ELOVL6: variants seen among roughly 807,000 people sequenced by gnomAD.
ELOVL6 encodes ELOVL fatty acid elongase 6, also known as very long chain fatty acid elongase 6.
ELOVL6 carries 8 observed loss-of-function variants against 31.7 expected under a neutral mutation model. The ratio of observed to expected loss-of-function variants is 0.25; its 90% CI spans 0.15 to 0.45. ELOVL6 has a LOEUF of 0.45. Ranked by LOEUF, ELOVL6 falls within the 20% of genes least tolerant of loss-of-function variation. The probability of loss-of-function intolerance (pLI) is 1.00; values close to 1 mark genes in which losing one functional copy is unlikely to be tolerated. For synonymous variants in ELOVL6, 101 were observed against 117.7 expected (o/e 0.86, Z 0.92); for missense variants, 126 against 326.4 (o/e 0.39, Z 4.73).
intron 2 of ELOVL6, among the ~76,000 whole-genome samples, chr4:110,060,486 G>A (rs1335671456): frequency 6.6e-6 from 1 of 152,152 alleles, no homozygotes; most frequent in Non-Finnish European, 1.5e-5. Flanking sequence ...AGGCACAGGT[G>A]CTCAATAAAG....
chr4:110,078,557 T>C (rs1268910151), intron 2 of ELOVL6, among the ~76,000 whole-genome samples: 7 of 152,016 alleles, frequency 4.6e-5, no homozygotes, highest in South Asian at 2.1e-4. Context: ...TTTGTCACCA[T>C]CAGGCCTGCC....
chr4:110,132,784 G>GA (rs1379571384), intron 1 of ELOVL6, among the ~76,000 whole-genome samples: 2 of 151,982 alleles, frequency 1.3e-5, no homozygotes, highest in Non-Finnish European at 2.9e-5. Flanking sequence ...AGGTTGCAGT[G>GA]AGCTGAGATC....
chr4:110,159,625 G>A (rs956800005), intron 1 of ELOVL6, among the ~76,000 whole-genome samples: 2 of 151,832 alleles, frequency 1.3e-5, no homozygotes, highest in South Asian at 2.1e-4. Flanking sequence ...AAAAACTATC[G>A]TGCATCTTGG....
chr4:110,144,264 C>T (rs945934192), intron 1 of ELOVL6, among the ~76,000 whole-genome samples: 1 of 152,086 alleles, frequency 6.6e-6, no homozygotes, highest in African/African-American at 2.4e-5. Context: ...ATTTGGATTC[C>T]ATTCCAATCA....
intron 2 of ELOVL6, among the ~76,000 whole-genome samples, chr4:110,073,621 TTC>T (rs1414568517): frequency 6.6e-6 from 1 of 152,120 alleles, no homozygotes; most frequent in Non-Finnish European, 1.5e-5. Context: ...GTCTCTACAT[TTC>T]CTCCAAGGAG....
At chr4:110,146,445 A>G (rs1420866604) in intron 1 of ELOVL6, 1 of 152,516 alleles carries the variant, frequency 6.6e-6, no homozygotes, top group African/African-American at 2.4e-5. Context: ...CTTTGTGTTC[A>G]CTTTCATAAA....
intron 1 of ELOVL6, among the ~76,000 whole-genome samples, chr4:110,136,859 T>C (rs1757827829): frequency 6.6e-6 from 1 of 151,946 alleles, no homozygotes; most frequent in African/African-American, 2.4e-5. Flanking sequence ...AAGGTGGAAG[T>C]GGAGAAATAG....
At chr4:110,151,558 T>G (rs977695062) in intron 1 of ELOVL6, among the ~76,000 whole-genome samples, 1 of 152,156 alleles carries the variant, frequency 6.6e-6, no homozygotes, top group Non-Finnish European at 1.5e-5. Context: ...GTATTTGGGT[T>G]TGACCTATGG....
At chr4:110,061,798 C>T (rs1015032261) in intron 2 of ELOVL6, among the ~76,000 whole-genome samples, 2 of 152,008 alleles carry the variant, frequency 1.3e-5, no homozygotes, top group Non-Finnish European at 2.9e-5. Flanking sequence ...CCTCGTGATC[C>T]ACCTGCCTCG....
intron 1 of ELOVL6, among the ~76,000 whole-genome samples, chr4:110,124,582 C>G (rs1189033855): frequency 6.6e-6 from 1 of 152,042 alleles, no homozygotes; most frequent in Non-Finnish European, 1.5e-5. Context: ...GGGAGACCAT[C>G]AGGACAAATA....
At chr4:110,162,228 G>A (rs1344973705) in intron 1 of ELOVL6, among the ~76,000 whole-genome samples, 2 of 152,152 alleles carry the variant, frequency 1.3e-5, no homozygotes, top group African/African-American at 4.8e-5. Context: ...TAATTATAAA[G>A]GTAACAGACA....
chr4:110,091,928 C>G (rs978285095), intron 2 of ELOVL6, among the ~76,000 whole-genome samples: 12 of 152,132 alleles, frequency 7.9e-5, no homozygotes, highest in Admixed American at 2.6e-4. Context: ...TCCCAGGGCT[C>G]TGGAAACTGT....
chr4:110,172,065 C>G (rs1758965574), intron 1 of ELOVL6, among the ~76,000 whole-genome samples: 1 of 151,990 alleles, frequency 6.6e-6, no homozygotes, highest in Admixed American at 6.6e-5. Context: ...TTAGTGCAAC[C>G]CAAAGTCATG....
chr4:110,188,889 CAA>C (rs368964781), intron 1 of ELOVL6, among the ~76,000 whole-genome samples: 33 of 107,804 alleles, frequency 3.1e-4, no homozygotes, highest in Non-Finnish European at 3.4e-4. Flanking sequence ...AACTCGGTCT[CAA>C]AAAAAAAAAA....
intron 1 of ELOVL6, among the ~76,000 whole-genome samples, chr4:110,145,280 G>A (rs957276460): frequency 2.6e-5 from 4 of 152,074 alleles, no homozygotes; most frequent in African/African-American, 9.7e-5. Context: ...TCTGGAGCCA[G>A]GGTTATGCAC....
intron 1 of ELOVL6, among the ~76,000 whole-genome samples, chr4:110,176,329 AT>A (rs1044405926): frequency 2.6e-5 from 4 of 151,888 alleles, no homozygotes; most frequent in Admixed American, 1.3e-4. Context: ...CACCTGGATA[AT>A]TTTTGTATTT....
At chr4:110,189,858 T>G (rs1759561194) in intron 1 of ELOVL6, among the ~76,000 whole-genome samples, 1 of 151,196 alleles carries the variant, frequency 6.6e-6, no homozygotes, top group Non-Finnish European at 1.5e-5. Context: ...TCCCAGCTAC[T>G]CGGGAGGCTG....
At chr4:110,095,677 G>C (rs58788911) in intron 2 of ELOVL6, among the ~76,000 whole-genome samples, 3,221 of 152,168 alleles carry the variant, frequency 0.021, 88 homozygotes, top group African/African-American at 0.065. Flanking sequence ...TTTTAATTAA[G>C]GTTTAAACAG....
At chr4:110,065,807 A>G (rs958430954) in intron 2 of ELOVL6, among the ~76,000 whole-genome samples, 4 of 152,156 alleles carry the variant, frequency 2.6e-5, no homozygotes, top group African/African-American at 9.7e-5. Flanking sequence ...CCCTGGGGGG[A>G]AAAAGAGCCT....
Sources: allele counts gnomAD v4.1 joint callset (sites outside exome capture counted in the v4.1 genomes callset), GRCh38; gene constraint gnomAD v4.1.1; transcripts MANE v1.5; gene names NCBI Gene and HGNC (gene_info 2026-07-23, HGNC 2026-07-21).